PUDP: variants seen among roughly 807,000 people sequenced by gnomAD.
PUDP encodes pseudouridine-5'-phosphatase.
PUDP carries 8 observed loss-of-function variants against 9.4 expected under a neutral mutation model. That is an observed-to-expected ratio of 0.85 (90% CI 0.50 to 1.53). PUDP has a LOEUF of 1.53. PUDP is among the 40% of genes most tolerant of loss of function. The pLI is 0.00. For missense variants in PUDP, 188 were observed against 189.7 expected, an observed-to-expected ratio of 0.99 and a Z score of 0.05; for synonymous variants, 99 against 80.7, an observed-to-expected ratio of 1.23 and a Z score of -1.22.
chrX:7,135,368 C>A (rs184458540), intron 1 of PUDP, among the ~76,000 whole-genome samples: 78 of 112,225 alleles, frequency 7.0e-4, no homozygotes, highest in African/African-American at 1.8e-3. Context: ...CATGCCCTGA[C>A]AAACTATCGG....
intron 3 of PUDP, among the ~76,000 whole-genome samples, chrX:7,076,664 A>T (rs1930914894): frequency 8.9e-6 from 1 of 111,975 alleles, no homozygotes. Flanking sequence ...GGTGCGGGAC[A>T]GGGGGTGCCA....
chrX:7,047,066 G>C (rs1929992100), downstream of PUDP, among the ~76,000 whole-genome samples: 1 of 112,003 alleles, frequency 8.9e-6, no homozygotes, highest in South Asian at 3.7e-4. Context: ...ACCAAGGAAA[G>C]GGAGGCAACG....
chrX:6,968,654 C>G (rs1441284669), intron 3 of PUDP, among the ~76,000 whole-genome samples: 2 of 104,819 alleles, frequency 1.9e-5, no homozygotes. Flanking sequence ...TTTTTTTTTT[C>G]TTTTTCCTAG....
chrX:6,858,325 T>TC (rs1926941457), intron 3 of PUDP, among the ~76,000 whole-genome samples: 3 of 102,326 alleles, frequency 2.9e-5, no homozygotes, highest in Non-Finnish European at 6.0e-5. Context: ...TTTCTTTCTT[T>TC]TTTTTTTTTC....
intron 3 of PUDP, among the ~76,000 whole-genome samples, chrX:6,859,275 A>G (rs917096917): frequency 1.8e-5 from 2 of 111,654 alleles, no homozygotes; most frequent in Non-Finnish European, 3.8e-5. Context: ...CCAGTTACAC[A>G]TACTCCCATT....
chrX:7,011,022 G>C (rs1334535875), intron 1 of PUDP, among the ~76,000 whole-genome samples: 1 of 112,285 alleles, frequency 8.9e-6, no homozygotes, highest in African/African-American at 3.2e-5. Context: ...AGGTTCTAAA[G>C]GCTCTTCATT....
At chrX:6,911,989 A>G (rs1334318432) in intron 3 of PUDP, among the ~76,000 whole-genome samples, 1 of 111,753 alleles carries the variant, frequency 8.9e-6, no homozygotes, top group Non-Finnish European at 1.9e-5. Flanking sequence ...AGAGTATTAT[A>G]TTAAAAGTAC....
intron 1 of PUDP, among the ~76,000 whole-genome samples, chrX:7,108,700 A>G (rs766080430): frequency 9.0e-6 from 1 of 111,655 alleles, no homozygotes; most frequent in East Asian, 2.8e-4. Flanking sequence ...CTTTTCTACC[A>G]CAAGCTGTAT....
intron 3 of PUDP, among the ~76,000 whole-genome samples, chrX:6,745,081 C>T (rs762589073): frequency 1.8e-5 from 2 of 111,472 alleles, no homozygotes; most frequent in African/African-American, 6.5e-5. Flanking sequence ...TAGTCCTGCT[C>T]GAAAATTGCA....
At chrX:6,873,226 C>T (rs989552513) in intron 3 of PUDP, among the ~76,000 whole-genome samples, 17 of 111,562 alleles carry the variant, frequency 1.5e-4, no homozygotes, top group African/African-American at 5.5e-4. Flanking sequence ...GACTATGTGA[C>T]CAATATCCTC....
intron 1 of PUDP, among the ~76,000 whole-genome samples, chrX:7,134,327 G>A (rs1484844891): frequency 8.9e-6 from 1 of 111,921 alleles, no homozygotes; most frequent in Non-Finnish European, 1.9e-5. Context: ...GTGAGGGCTG[G>A]CAAAACTATG....
intron 3 of PUDP, among the ~76,000 whole-genome samples, chrX:6,951,098 C>T (rs1928548884): frequency 9.0e-6 from 1 of 111,551 alleles, no homozygotes; most frequent in Admixed American, 9.5e-5. Context: ...TAGAACTGGT[C>T]AGCCTCCACA....
At chrX:6,783,361 C>T (rs948379027) in intron 3 of PUDP, among the ~76,000 whole-genome samples, 1 of 111,297 alleles carries the variant, frequency 9.0e-6, no homozygotes, top group African/African-American at 3.3e-5. Context: ...GAACGCCCTG[C>T]TCTGTCTATG....
chrX:6,811,292 C>A (rs780753543), intron 3 of PUDP, among the ~76,000 whole-genome samples: 6 of 110,626 alleles, frequency 5.4e-5, no homozygotes, highest in Admixed American at 9.6e-5. Flanking sequence ...CCACCAGTGC[C>A]ATTCTCTGTG....
chrX:6,782,739 T>G (rs1925585529), intron 3 of PUDP, among the ~76,000 whole-genome samples: 1 of 111,922 alleles, frequency 8.9e-6, no homozygotes, highest in Non-Finnish European at 1.9e-5. Flanking sequence ...TCTTTAAAAA[T>G]GTCTGAAAAG....
At chrX:6,936,830 A>C (rs1928310245) in intron 3 of PUDP, among the ~76,000 whole-genome samples, 1 of 99,914 alleles carries the variant, frequency 1.0e-5, no homozygotes, top group African/African-American at 3.7e-5. Flanking sequence ...AAGCATTCTT[A>C]TACTCCAACA....
intron 3 of PUDP, among the ~76,000 whole-genome samples, chrX:6,772,629 G>GA (rs200479446): frequency 0.49 from 48,395 of 99,762 alleles, 9,760 homozygotes; most frequent in Middle Eastern, 0.59. Flanking sequence ...ATACAGACAA[G>GA]GAAAAAAAAA....
At chrX:7,020,980 T>C (rs756116576) in intron 1 of PUDP, among the ~76,000 whole-genome samples, 51 of 112,669 alleles carry the variant, frequency 4.5e-4, no homozygotes, top group Non-Finnish European at 8.8e-4. Flanking sequence ...TGTTGGGTTT[T>C]GAGAATGGCT....
chrX:7,075,505 A>AAAACAAAC (rs60328433), intron 3 of PUDP, among the ~76,000 whole-genome samples: 47 of 107,842 alleles, frequency 4.4e-4, no homozygotes, highest in Middle Eastern at 4.9e-3. Flanking sequence ...ACTCCATCTC[A>AAAACAAAC]AAACAAACAA....
Sources: gnomAD v4.1 joint callset for allele counts (sites outside exome capture counted in the v4.1 genomes callset) on GRCh38, gnomAD v4.1.1 for gene constraint, MANE v1.5 for transcripts, NCBI Gene and HGNC (gene_info 2026-07-23, HGNC 2026-07-21) for gene names.